The following LAMA2 variants were observed in gnomAD, a reference collection of about 807,000 sequenced individuals.
The protein encoded by LAMA2 is laminin subunit alpha 2, also known as laminin subunit alpha-2.
LAMA2 carries 269 observed loss-of-function variants against 364.8 expected under a neutral mutation model. The observed-to-expected ratio is 0.74, with a 90% CI of 0.67 to 0.82. The LOEUF (loss-of-function observed/expected upper bound fraction) is 0.82, where lower values mean the gene tolerates loss of function less well. Among genes scored for constraint, LAMA2 ranks in the 40% least tolerant of loss-of-function variants. The pLI is 0.00. For synonymous variants in LAMA2, 1,379 were observed against 1,370.6 expected (o/e 1.01, Z -0.14); for missense variants, 3,807 against 3,873.2 (o/e 0.98, Z 0.45).
intron 32 of LAMA2, among the ~76,000 whole-genome samples, chr6:129,362,079 C>G (rs1243669238): frequency 1.3e-5 from 2 of 152,122 alleles, no homozygotes; most frequent in East Asian, 3.9e-4. Context: ...GCCACCACAC[C>G]CAGCCAGTAG....
intron 49 of LAMA2, among the ~76,000 whole-genome samples, chr6:129,463,704 C>CTGGA (rs1295897467): frequency 1.3e-5 from 2 of 152,020 alleles, no homozygotes; most frequent in Non-Finnish European, 2.9e-5. Context: ...CAAACATCAA[C>CTGGA]TGGATTCTAG....
chr6:129,488,258 C>T (rs9483037), intron 56 of LAMA2, among the ~76,000 whole-genome samples: 52,954 of 151,840 alleles, frequency 0.35, 10,365 homozygotes, highest in African/African-American at 0.54. Context: ...TTCAGTGAGC[C>T]GAGATCGCAC....
chr6:129,184,208 G>C (rs1190063449), intron 10 of LAMA2, among the ~76,000 whole-genome samples: 1 of 151,652 alleles, frequency 6.6e-6, no homozygotes, highest in East Asian at 1.9e-4. Flanking sequence ...TTTTTCATTT[G>C]TGTACAGGAA....
chr6:129,208,672 AAAGAGAAG>A (rs1326929090), intron 12 of LAMA2, among the ~76,000 whole-genome samples: 1 of 127,736 alleles, frequency 7.8e-6, no homozygotes, highest in African/African-American at 3.7e-5. Context: ...AAAGAAAGAG[AAAGAGAAG>A]GAAAGAAAGA....
At chr6:129,250,321 A>G in intron 13 of LAMA2, 108 bp downstream of exon 13, 1 of 643,538 alleles carries the variant, frequency 1.6e-6, no homozygotes, top group South Asian at 1.6e-5. Flanking sequence ...CAGGACTACT[A>G]AAAAAAAATA....
At chr6:129,335,575 A>C (rs1005274672) in intron 29 of LAMA2, among the ~76,000 whole-genome samples, 3 of 152,290 alleles carry the variant, frequency 2.0e-5, no homozygotes, top group South Asian at 2.1e-4. Context: ...TTAAAAAGAA[A>C]ATAATAAAAA....
chr6:129,428,237 C>G (rs184635283), intron 41 of LAMA2, among the ~76,000 whole-genome samples: 1 of 152,026 alleles, frequency 6.6e-6, no homozygotes, highest in Non-Finnish European at 1.5e-5. Flanking sequence ...TGAGACCAGC[C>G]GGGGAAACAT....
intron 3 of LAMA2, among the ~76,000 whole-genome samples, chr6:129,068,152 A>T (rs1773060356): frequency 6.6e-6 from 1 of 152,256 alleles, no homozygotes; most frequent in African/African-American, 2.4e-5. Context: ...TGACTGAATG[A>T]ATAACTAGTA....
At chr6:129,354,710 G>A (rs1333667244) in intron 32 of LAMA2, among the ~76,000 whole-genome samples, 3 of 152,086 alleles carry the variant, frequency 2.0e-5, no homozygotes, top group Non-Finnish European at 4.4e-5. Flanking sequence ...TTAAACAATA[G>A]TACATTAAAA....
At chr6:129,512,237 T>G in intron 62 of LAMA2, 126 bp from the exon 63 acceptor site, 2 of 893,818 alleles carry the variant, frequency 2.2e-6, no homozygotes, top group African/African-American at 1.7e-5. Context: ...GATCTGAAAC[T>G]TATAGCCCTC....
At position 129,158,424 on chromosome 6, in the gene LAMA2, T is replaced by A; in HGVS notation, c.1206+3741T>A. 3.7e-6 allele frequency: 6 copies of A among 1,613,998 alleles called. No homozygotes were observed. In the South Asian group the frequency reaches 6.6e-5, roughly 18 times the overall value. ...ACCAACTTGCCGGACCATCTGAATC[T>A]GTTTGGCAATAGTTCGCTGAACCAA... On this transcript the variant is annotated intron_variant, in intron 8 of 64. Transcript: ENST00000421865.
At chr6:129,501,903 A>G (rs562466848) in intron 58 of LAMA2, among the ~76,000 whole-genome samples, 50 of 152,314 alleles carry the variant, frequency 3.3e-4, no homozygotes, top group African/African-American at 1.2e-3. Flanking sequence ...ATGCTTTGCA[A>G]GGCCCAGTGC....
intron 12 of LAMA2, among the ~76,000 whole-genome samples, chr6:129,223,370 G>T (rs180946663): frequency 6.6e-6 from 1 of 152,206 alleles, no homozygotes; most frequent in African/African-American, 2.4e-5. Context: ...GTCAACTTTG[G>T]CTTTTGTTGC....
chr6:129,449,750 G>T (rs1782571804), intron 45 of LAMA2, among the ~76,000 whole-genome samples: 1 of 151,392 alleles, frequency 6.6e-6, no homozygotes, highest in Admixed American at 6.6e-5. Context: ...TCTTAGACTT[G>T]GAGTTCTCAG....
Position 129,316,137 on chromosome 6 carries a change from A to C in LAMA2, c.4024A>C (p.Lys1342Gln), listed in dbSNP as rs1345718958. The change falls in exon 27 of 65, where the codon AAA (lysine) becomes CAA (glutamine). Residue 1342 changes from lysine (K) to glutamine (Q), a missense_variant. By Grantham distance (53) the Lys-to-Gln change is moderately conservative (BLOSUM62 1). Around this residue, in one of 3 missense-constraint regions of LAMA2, gnomAD observed 3,333 missense variants for 3,345.7 expected, o/e 1.00. Coordinates refer to ENST00000421865, the MANE Select transcript of LAMA2 (RefSeq NM_000426.4). ...ILYDIHYILIKATYGNFMRQS... is the reference protein window; with the variant it reads ...ILYDIHYILIQATYGNFMRQS... ...ATATGATATTCATTACATTCTTATCAAAGCTACTTATGGAAATTTCATGCG... is the reference window on the plus strand; with the variant it reads ...ATATGATATTCATTACATTCTTATCCAAGCTACTTATGGAAATTTCATGCG... 6.2e-7 allele frequency: 1 copy of C among 1,609,124 alleles called. No homozygotes were observed. Among genetic ancestry groups the C allele is most frequent in the Non-Finnish European group, 8.5e-7 (1 of 1,176,240 alleles).
chr6:129,413,461 ATAAT>A (rs1780636612), intron 40 of LAMA2, among the ~76,000 whole-genome samples: 1 of 152,138 alleles, frequency 6.6e-6, no homozygotes, highest in Non-Finnish European at 1.5e-5. Flanking sequence ...TGTCAACTAG[ATAAT>A]TAATTCTACA....
intron 4 of LAMA2, among the ~76,000 whole-genome samples, chr6:129,137,574 A>G (rs1480726019): frequency 6.6e-6 from 1 of 151,592 alleles, no homozygotes; most frequent in Non-Finnish European, 1.5e-5. Flanking sequence ...GAATAAATAA[A>G]TTTATACTAG....
intron 6 of LAMA2, among the ~76,000 whole-genome samples, chr6:129,147,824 A>G (rs1778559466): frequency 6.6e-6 from 1 of 152,114 alleles, no homozygotes; most frequent in Non-Finnish European, 1.5e-5. Flanking sequence ...TTGGATTATA[A>G]TGTTATCTCC....
chr6:129,494,837 T>C (rs1330005105), intron 58 of LAMA2, among the ~76,000 whole-genome samples: 3 of 152,232 alleles, frequency 2.0e-5, no homozygotes, highest in African/African-American at 4.8e-5. Flanking sequence ...TTCACCCTCA[T>C]ATACCTGAAA....
Sources: allele counts gnomAD v4.1 joint callset (sites outside exome capture counted in the v4.1 genomes callset), GRCh38; gene constraint gnomAD v4.1.1; regional missense constraint gnomAD v4.1.1; transcripts MANE v1.5; gene names NCBI Gene and HGNC (gene_info 2026-07-23, HGNC 2026-07-21).